Variants in SAMD5 observed in about 807,000 individuals in gnomAD.
SAMD5 encodes the protein sterile alpha motif domain containing 5.
Under a neutral mutation model 11.3 loss-of-function variants are expected in SAMD5, and 13 were observed. The ratio of observed to expected loss-of-function variants is 1.15; its 90% CI spans 0.75 to 1.83. The LOEUF (loss-of-function observed/expected upper bound fraction) is 1.83. Among genes scored for constraint, SAMD5 ranks in the 40% most tolerant of loss-of-function variants. The pLI, the probability that SAMD5 is intolerant of heterozygous loss-of-function variation, is 0.00. For missense variants in SAMD5, 255 were observed against 239.1 expected, an observed-to-expected ratio of 1.07 and a Z score of -0.44; for synonymous variants, 129 against 111.3, an observed-to-expected ratio of 1.16 and a Z score of -1.00.
chr6:147,569,136 G>A lies in SAMD5; in HGVS notation c.*4680G>A, dbSNP rs968970308. ...TCCCAGCTACTAAGGCAGGAGAATG[G>A]CTTGAACCCAGGAGGTGGAGGTCGC... On this transcript the variant is annotated 3_prime_UTR_variant, in exon 2 of 2. Transcript: ENST00000367474. 1 of 176,394 alleles carries A rather than the reference G, an allele frequency of 5.7e-6. No homozygotes were observed. Among genetic ancestry groups the A allele is most frequent in the Non-Finnish European group, 1.1e-5 (1 of 90,482 alleles). The allele number at this position is 176,394 out of a possible 1,614,324, so 10.9% of individuals were successfully genotyped here. A position where few individuals can be genotyped will look rare whatever the true frequency, so the allele number is the denominator to read the frequency against.
chr6:147,856,937 G>A, the SAMD5 span, among the ~76,000 whole-genome samples: 4 of 151,878 alleles, frequency 2.6e-5, no homozygotes, highest in Admixed American at 2.6e-4. Flanking sequence ...ATTAGCAGAG[G>A]GTGATTAGCT....
chr6:147,816,319 T>TATATATATATATATAC, the SAMD5 span, among the ~76,000 whole-genome samples: 1 of 130,212 alleles, frequency 7.7e-6, no homozygotes, highest in Non-Finnish European at 1.6e-5. Context: ...TATATATATA[T>TATATATATATATATAC]ATATATATAC....
the SAMD5 span, among the ~76,000 whole-genome samples, chr6:147,919,253 A>C: frequency 6.6e-6 from 1 of 152,162 alleles, no homozygotes; most frequent in African/African-American, 2.4e-5. Flanking sequence ...CCCCATCAAA[A>C]ATCTAGAGAC....
At chr6:147,626,904 G>T (rs9497829) in intron 1 of SAMD5, among the ~76,000 whole-genome samples, 19,173 of 151,428 alleles carry the variant, frequency 0.13, 1,398 homozygotes, top group East Asian at 0.29. Flanking sequence ...TGCTGTTGTT[G>T]CTGTGTTGCT....
chr6:147,868,773 T>C, the SAMD5 span, among the ~76,000 whole-genome samples: 1 of 152,216 alleles, frequency 6.6e-6, no homozygotes, highest in Non-Finnish European at 1.5e-5. Context: ...TGAGATAGGC[T>C]GCAGTAAACA....
the SAMD5 span, among the ~76,000 whole-genome samples, chr6:147,869,763 A>G: frequency 6.6e-6 from 1 of 152,058 alleles, no homozygotes; most frequent in African/African-American, 2.4e-5. Flanking sequence ...TAGTGGTGCA[A>G]TAAGGTTCAT....
At chr6:147,630,834 G>A (rs1188047043) in intron 1 of SAMD5, among the ~76,000 whole-genome samples, 1 of 152,222 alleles carries the variant, frequency 6.6e-6, no homozygotes, top group East Asian at 1.9e-4. Flanking sequence ...TCCTTTTCTG[G>A]TAGAGACAGA....
At chr6:147,584,555 C>T (rs1789347240) in intron 1 of SAMD5, among the ~76,000 whole-genome samples, 1 of 152,210 alleles carries the variant, frequency 6.6e-6, no homozygotes, top group South Asian at 2.1e-4. Context: ...CCACCATTGC[C>T]TTGGCCAGTT....
At chr6:147,885,394 A>G in the SAMD5 span, among the ~76,000 whole-genome samples, 3 of 152,332 alleles carry the variant, frequency 2.0e-5, no homozygotes, top group Admixed American at 6.5e-5. Context: ...AACAAGTTTT[A>G]TCATCTAATT....
chr6:147,597,446 G>C (rs844613), intron 1 of SAMD5, among the ~76,000 whole-genome samples: 110,967 of 152,054 alleles, frequency 0.73, 40,966 homozygotes, highest in African/African-American at 0.84. Context: ...GTAATTACTT[G>C]AGGTTATCCT....
chr6:147,684,666 T>C (rs1482119566), intron 1 of SAMD5, among the ~76,000 whole-genome samples: 2 of 152,210 alleles, frequency 1.3e-5, no homozygotes, highest in Admixed American at 6.5e-5. Context: ...ATGCGTGCTG[T>C]GGTGTTTAAC....
intron 1 of SAMD5, among the ~76,000 whole-genome samples, chr6:147,732,598 C>T (rs997818701): frequency 1.1e-4 from 16 of 152,156 alleles, no homozygotes; most frequent in Non-Finnish European, 2.2e-4. Flanking sequence ...ATGTAACCCA[C>T]TATGAAAAAT....
At chr6:147,704,319 A>G (rs1332076879) in intron 1 of SAMD5, among the ~76,000 whole-genome samples, 1 of 127,808 alleles carries the variant, frequency 7.8e-6, no homozygotes, top group Non-Finnish European at 1.7e-5. Flanking sequence ...AATTTTCTAG[A>G]AAAAAAAATC....
intron 1 of SAMD5, among the ~76,000 whole-genome samples, chr6:147,599,649 G>C (rs1789586663): frequency 6.6e-6 from 1 of 152,114 alleles, no homozygotes. Flanking sequence ...TCCTGAGTTA[G>C]AATTAGAAGT....
chr6:147,800,351 G>A, the SAMD5 span, among the ~76,000 whole-genome samples: 1 of 152,166 alleles, frequency 6.6e-6, no homozygotes, highest in African/African-American at 2.4e-5. Context: ...GTGTGCCCCT[G>A]CTGGAGGGTG....
chr6:147,562,704 C>T lies in SAMD5; in HGVS notation c.460-1690C>T, dbSNP rs534028756. 4.6e-5 allele frequency among the ~76,000 whole-genome samples: 7 copies of T among 152,250 alleles called. No individual in the cohort carries two copies. The South Asian group carries it at 1.5e-3, about 32-fold the overall frequency. On this transcript the variant is annotated intron_variant, in intron 1 of 1. Coordinates refer to ENST00000367474, the MANE Select transcript of SAMD5 (RefSeq NM_001030060.3). Reference sequence around the variant, plus strand: ...GGGCTTGGTGGCGGGCGCCTGTAGTCCCAGCTATTCGGGAGGCTGAGGCAG... The same window carrying T: ...GGGCTTGGTGGCGGGCGCCTGTAGTTCCAGCTATTCGGGAGGCTGAGGCAG...
chr6:147,671,294 C>G (rs1057152823), intron 1 of SAMD5, among the ~76,000 whole-genome samples: 2 of 152,152 alleles, frequency 1.3e-5, no homozygotes, highest in African/African-American at 4.8e-5. Context: ...AAATATGACA[C>G]AGAGACACAA....
chr6:147,592,079 G>T (rs1269731968), intron 1 of SAMD5, among the ~76,000 whole-genome samples: 1 of 152,096 alleles, frequency 6.6e-6, no homozygotes, highest in East Asian at 1.9e-4. Flanking sequence ...GTTCAAGGAG[G>T]TGGGCTCAAG....
At chr6:147,713,443 A>T (rs1348331847) in intron 1 of SAMD5, among the ~76,000 whole-genome samples, 1 of 152,122 alleles carries the variant, frequency 6.6e-6, no homozygotes, top group Non-Finnish European at 1.5e-5. Context: ...GTTGTTCTGG[A>T]TACCTCCTCA....
Sources: gnomAD v4.1 joint callset for allele counts (sites outside exome capture counted in the v4.1 genomes callset) on GRCh38, gnomAD v4.1.1 for gene constraint, MANE v1.5 for transcripts, NCBI Gene and HGNC (gene_info 2026-07-23, HGNC 2026-07-21) for gene names.